ADAMTS6: variants seen among roughly 807,000 people sequenced by gnomAD.
ADAMTS6 encodes A disintegrin and metalloproteinase with thrombospondin motifs 6.
Under a neutral mutation model 144.3 loss-of-function variants are expected in ADAMTS6, and 23 were observed. That is an observed-to-expected ratio of 0.16 (90% confidence interval 0.11 to 0.23). The LOEUF (loss-of-function observed/expected upper bound fraction) is 0.23. Ranked by LOEUF, ADAMTS6 falls within the 10% of genes least tolerant of loss-of-function variation. ADAMTS6 has a pLI of 1.00. For missense variants in ADAMTS6, 999 were observed against 1,379.6 expected, an observed-to-expected ratio of 0.72 and a Z score of 4.37; for synonymous variants, 444 against 457.5, an observed-to-expected ratio of 0.97 and a Z score of 0.38.
intron 7 of ADAMTS6, among the ~76,000 whole-genome samples, chr5:65,361,271 C>T (rs1465844099): frequency 6.6e-6 from 1 of 152,024 alleles, no homozygotes; most frequent in Non-Finnish European, 1.5e-5. Flanking sequence ...AATTTACAAC[C>T]CATCCTGCTC....
At chr5:65,350,927 T>G (rs1748795095) in intron 7 of ADAMTS6, among the ~76,000 whole-genome samples, 1 of 152,160 alleles carries the variant, frequency 6.6e-6, no homozygotes, top group African/African-American at 2.4e-5. Context: ...GGATTACAAG[T>G]GTGAGCCACT....
chr5:65,289,235 A>T (rs1742046917), intron 11 of ADAMTS6, among the ~76,000 whole-genome samples: 1 of 152,162 alleles, frequency 6.6e-6, no homozygotes, highest in Non-Finnish European at 1.5e-5. Context: ...AACAAAACAT[A>T]TTAAGAATAT....
intron 14 of ADAMTS6, among the ~76,000 whole-genome samples, chr5:65,246,971 A>G (rs1759683777): frequency 6.6e-6 from 1 of 152,220 alleles, no homozygotes; most frequent in Non-Finnish European, 1.5e-5. Flanking sequence ...GAGGGTTTAA[A>G]GAATAATGCT....
At chr5:65,370,298 C>T (rs191603915) in intron 7 of ADAMTS6, among the ~76,000 whole-genome samples, 3 of 152,272 alleles carry the variant, frequency 2.0e-5, no homozygotes, top group African/African-American at 4.8e-5. Flanking sequence ...GAAACAGCTC[C>T]GGTCTATAGC....
chr5:65,236,093 A>G (rs1758648317), intron 15 of ADAMTS6, among the ~76,000 whole-genome samples: 1 of 152,200 alleles, frequency 6.6e-6, no homozygotes, highest in South Asian at 2.1e-4. Flanking sequence ...GCAAAGCCAT[A>G]TAATAGTTGG....
At chr5:65,409,388 G>T (rs1333105706) in intron 7 of ADAMTS6, among the ~76,000 whole-genome samples, 2 of 152,116 alleles carry the variant, frequency 1.3e-5, no homozygotes, top group Non-Finnish European at 2.9e-5. Flanking sequence ...AAATAAACTA[G>T]AAAATCTAGA....
intron 24 of ADAMTS6, among the ~76,000 whole-genome samples, chr5:65,157,088 T>C (rs563124677): frequency 6.6e-6 from 1 of 152,346 alleles, no homozygotes; most frequent in African/African-American, 2.4e-5. Flanking sequence ...AGCCAGCCCC[T>C]AGGCGCTGAA....
At chr5:65,156,075 A>C (rs1256559522) in intron 24 of ADAMTS6, among the ~76,000 whole-genome samples, 1 of 152,172 alleles carries the variant, frequency 6.6e-6, no homozygotes, top group Non-Finnish European at 1.5e-5. Flanking sequence ...TAATCTTCAA[A>C]ATATTAGTAC....
chr5:65,407,484 C>T (rs1196436635), intron 7 of ADAMTS6, among the ~76,000 whole-genome samples: 4 of 137,920 alleles, frequency 2.9e-5, no homozygotes, highest in South Asian at 5.5e-4. Context: ...GCTATCCCTC[C>T]TCCCTCCCCC....
chr5:65,467,586 A>G (rs1295910354), intron 3 of ADAMTS6, among the ~76,000 whole-genome samples: 3 of 152,142 alleles, frequency 2.0e-5, no homozygotes. Flanking sequence ...ATATAAATAA[A>G]TTTTATGCCC....
At chr5:65,215,543 C>T (rs1756853616) in intron 18 of ADAMTS6, 56 bp from the exon 19 acceptor site, 4 of 1,494,122 alleles carry the variant, frequency 2.7e-6, no homozygotes, top group Middle Eastern at 1.8e-4. Context: ...ACCAAAGTGT[C>T]ACTGATTAAT....
chr5:65,287,876 A>G (rs1741835408), intron 11 of ADAMTS6, among the ~76,000 whole-genome samples: 1 of 152,196 alleles, frequency 6.6e-6, no homozygotes. Flanking sequence ...CTCAGAAAAA[A>G]AGTCACTACA....
chr5:65,365,109 G>A (rs1227130639), intron 7 of ADAMTS6, among the ~76,000 whole-genome samples: 3 of 151,920 alleles, frequency 2.0e-5, no homozygotes, highest in Non-Finnish European at 4.4e-5. Flanking sequence ...TGTCATCCAC[G>A]GTAAACAGTA....
intron 11 of ADAMTS6, among the ~76,000 whole-genome samples, chr5:65,287,516 T>C (rs545180408): frequency 1.3e-5 from 2 of 152,276 alleles, no homozygotes; most frequent in African/African-American, 4.8e-5. Context: ...TAAAATATTA[T>C]ATAATAATTA....
intron 9 of ADAMTS6, among the ~76,000 whole-genome samples, chr5:65,302,895 C>T: frequency 6.6e-6 from 1 of 152,082 alleles, no homozygotes; most frequent in South Asian, 2.1e-4. Flanking sequence ...AGATTCTCGA[C>T]TCCTTATGCA....
At chr5:65,436,922 A>G (rs1002828544) in intron 7 of ADAMTS6, among the ~76,000 whole-genome samples, 1 of 152,128 alleles carries the variant, frequency 6.6e-6, no homozygotes, top group Non-Finnish European at 1.5e-5. Flanking sequence ...GTATTAGTCA[A>G]TTTTCACGCT....
At chr5:65,185,778 A>G (rs982404173) in intron 22 of ADAMTS6, among the ~76,000 whole-genome samples, 2 of 152,226 alleles carry the variant, frequency 1.3e-5, no homozygotes, top group African/African-American at 4.8e-5. Context: ...TGAATTCTGA[A>G]GGAAACTTTA....
intron 7 of ADAMTS6, among the ~76,000 whole-genome samples, chr5:65,389,921 C>G (rs1262149010): frequency 6.6e-6 from 1 of 151,880 alleles, no homozygotes; most frequent in African/African-American, 2.4e-5. Context: ...TCATTAGAAA[C>G]GTTTTTCTTT....
intron 7 of ADAMTS6, among the ~76,000 whole-genome samples, chr5:65,434,433 G>C (rs912787563): frequency 4.6e-5 from 7 of 152,128 alleles, no homozygotes; most frequent in African/African-American, 1.7e-4. Flanking sequence ...GGCTAAATGG[G>C]TGAATTGTAT....
Sources: gnomAD v4.1 joint callset for allele counts (sites outside exome capture counted in the v4.1 genomes callset) on GRCh38, gnomAD v4.1.1 for gene constraint, MANE v1.5 for transcripts, NCBI Gene and HGNC (gene_info 2026-07-23, HGNC 2026-07-21) for gene names.